Variants in ACRBP observed in about 807,000 individuals in gnomAD.
ACRBP encodes acrosin-binding protein.
ACRBP carries 52 observed loss-of-function variants against 69.0 expected under a neutral mutation model. The ratio of observed to expected loss-of-function variants is 0.75; its 90% CI spans 0.60 to 0.95. ACRBP has a LOEUF of 0.95. Among genes scored for constraint, ACRBP ranks in the 40% least tolerant of loss-of-function variants. ACRBP has a pLI of 0.00. For missense variants in ACRBP, 604 were observed against 673.0 expected (o/e 0.90, Z 1.13); for synonymous variants, 267 against 258.9 (o/e 1.03, Z -0.30).
chr12:6,645,301 G>A lies in ACRBP; in HGVS notation c.394C>T (p.Pro132Ser). The A allele has an allele frequency of 6.2e-7, 1 of 1,613,814 alleles. No individual in the cohort carries two copies. Among genetic ancestry groups the A allele is most frequent in the South Asian group, 1.1e-5 (1 of 90,970 alleles). ...GCTTCTATCTCCTTGAGAGTGTTAGGTGAGAGAATAGAGACTGGCTGGGAA... is the reference window on the plus strand; with the variant it reads ...GCTTCTATCTCCTTGAGAGTGTTAGATGAGAGAATAGAGACTGGCTGGGAA... ...LCSQPVSILS[P>S]NTLKEIEASA... The change falls in exon 4 of 10, where the codon CCT (proline) becomes TCT (serine). Residue 132 changes from proline (P) to serine (S), a missense_variant. Pro to Ser is a moderately conservative substitution (Grantham distance 74, BLOSUM62 -1). This residue lies in a region of ACRBP where 532 missense variants were observed against 562.9 expected (regional missense o/e 0.95). Coordinates refer to ENST00000229243, the MANE Select transcript of ACRBP (RefSeq NM_032489.3).
chr12:6,646,932 C>T lies in ACRBP; in HGVS notation c.124G>A (p.Glu42Lys), dbSNP rs1050523562. The T allele has an allele frequency of 9.9e-6, 16 of 1,613,870 alleles. No homozygotes were observed. The highest frequency in any genetic ancestry group is 1.3e-5 in the Non-Finnish European group (15 of 1,180,018). The change falls in exon 2 of 10, where the codon GAA becomes AAA. Residue 42 changes from glutamate (E) to lysine (K), a missense_variant. Around this residue, in one of 3 missense-constraint regions of ACRBP, gnomAD observed 532 missense variants for 562.9 expected, o/e 0.95. Transcript: ENST00000229243. ...STPGSPLSPT[E>K]YERFFALLTP... Reference sequence around the variant, plus strand: ...AGCAGTGCGAAGAAGCGTTCGTATTCGGTAGGAGAGAGAGGGCTGCCTGGA... The same window carrying T: ...AGCAGTGCGAAGAAGCGTTCGTATTTGGTAGGAGAGAGAGGGCTGCCTGGA...
chr12:6,647,421 A>G lies in ACRBP; in HGVS notation c.-55T>C, dbSNP rs986166165. Reference sequence around the variant, plus strand: ...GACACAAGCCGCCTCTAACGGGCCAAGCCGCAGAGAGAGCCGCAGGCGCGG... The same window carrying G: ...GACACAAGCCGCCTCTAACGGGCCAGGCCGCAGAGAGAGCCGCAGGCGCGG... On this transcript the variant is annotated 5_prime_UTR_variant, in exon 1 of 10. Coordinates refer to ENST00000229243, the MANE Select transcript of ACRBP (RefSeq NM_032489.3). 207 of 1,464,230 alleles carry G rather than the reference A, an allele frequency of 1.4e-4. No homozygotes were observed. Among genetic ancestry groups the G allele is most frequent in the Non-Finnish European group, 1.8e-4 (201 of 1,099,902 alleles). 90.7% of individuals were successfully genotyped at this position (1,464,230 alleles called of 1,614,324 possible). A position where few individuals can be genotyped will look rare whatever the true frequency, so the allele number is the denominator to read the frequency against.
In ACRBP at chr12:6,640,171, G is replaced by A. The variant is rs1210681778; in HGVS notation, c.1314C>T (p.His438=). 1 of 1,614,048 alleles carries A rather than the reference G, an allele frequency of 6.2e-7. No homozygotes were observed. Among genetic ancestry groups the A allele is most frequent in the African/African-American group, 1.3e-5 (1 of 74,904 alleles). Residue 438 remains histidine (H), a synonymous_variant, in exon 8 of 10, where the codon CAC becomes CAT. Transcript: ENST00000229243. The surrounding 1 kb of genome is among the most constrained non-coding windows in gnomAD (Gnocchi z 5.3). ...FYGLDLYGGL[H]MDFWCARLAT... is the part of the protein sequence containing the mutation. ...CAAGCCGGGCACACCAGAAGTCCAT[G>A]TGGAGCCCACCGTACAAATCCAGCC... is the stretch of plus-strand genomic sequence containing the variant.
chr12:6,645,999 A>T (rs1949085420), intron 3 of ACRBP, among the ~76,000 whole-genome samples: 1 of 146,004 alleles, frequency 6.8e-6, no homozygotes, highest in African/African-American at 2.6e-5. Context: ...TTGCTCTGCC[A>T]CTCAGGATAG....
At chr12:6,647,101 G>T (rs1565393540) in intron 1 of ACRBP, 89 bp from the exon 2 acceptor site, 1 of 1,266,422 alleles carries the variant, frequency 7.9e-7, no homozygotes. Flanking sequence ...GGCAAATTAG[G>T]AACGGGGTGA....
chr12:6,646,746 G>T, intron 2 of ACRBP, 48 bp downstream of exon 2: 1 of 1,605,136 alleles, frequency 6.2e-7, no homozygotes, highest in East Asian at 2.2e-5. Context: ...CCTGAGGTTT[G>T]GGTGAACACT....
intron 5 of ACRBP, 66 bp from the exon 6 acceptor site, chr12:6,643,737 C>T (rs1949069410): frequency 3.1e-6 from 5 of 1,587,498 alleles, no homozygotes; most frequent in South Asian, 1.1e-5. Context: ...TACATCCAGT[C>T]TCTTCCCCTT....
intron 3 of ACRBP, among the ~76,000 whole-genome samples, chr12:6,646,125 A>ATTTTTTTTTTTT (rs59626834): frequency 4.9e-5 from 6 of 121,426 alleles, no homozygotes; most frequent in African/African-American, 1.9e-4. Flanking sequence ...AAGCCCGGCT[A>ATTTTTTTTTTTT]TTTTTTTTTT....
intron 6 of ACRBP, among the ~76,000 whole-genome samples, chr12:6,642,713 A>G (rs1184517094): frequency 6.6e-6 from 1 of 152,208 alleles, no homozygotes; most frequent in Non-Finnish European, 1.5e-5. Context: ...CCTCCCAATC[A>G]GTATTTGTTG....
chr12:6,646,772 TC>T (rs746219680), intron 2 of ACRBP, 21 bp downstream of exon 2: 41 of 1,612,606 alleles, frequency 2.5e-5, no homozygotes, highest in African/African-American at 1.1e-4. Flanking sequence ...TGCCTCGGTT[TC>T]CCCCCTAGTC....
chr12:6,645,400 T>G (rs1255947799), intron 3 of ACRBP, 63 bp from the exon 4 acceptor site: 10 of 1,253,826 alleles, frequency 8.0e-6, no homozygotes, highest in Non-Finnish European at 1.0e-5. Context: ...CTCCAGCTGG[T>G]TCTTCAACCC....
intron 1 of ACRBP, 32 bp downstream of exon 1, chr12:6,647,292 A>C: frequency 6.5e-7 from 1 of 1,541,702 alleles, no homozygotes; most frequent in Non-Finnish European, 8.7e-7. Context: ...TAGCCCGGGG[A>C]GAGTCTGTTG....
chr12:6,643,495 G>A (rs377344589), intron 6 of ACRBP, 44 bp downstream of exon 6: 54 of 1,608,608 alleles, frequency 3.4e-5, no homozygotes, highest in Non-Finnish European at 3.8e-5. Context: ...TGGCCAAGAG[G>A]ATGCCCAGTG....
chr12:6,643,103 A>C (rs1051022588), intron 6 of ACRBP, among the ~76,000 whole-genome samples: 19 of 152,068 alleles, frequency 1.2e-4, no homozygotes, highest in African/African-American at 4.6e-4. Context: ...AATAAAAAAA[A>C]ATTTAGCCAG....
At chr12:6,641,184 C>A (rs997223815) in intron 6 of ACRBP, among the ~76,000 whole-genome samples, 1 of 152,222 alleles carries the variant, frequency 6.6e-6, no homozygotes, top group African/African-American at 2.4e-5. Context: ...TGGAAACCTC[C>A]AAGTTCTTGG....
rs548223496 is a variant in ACRBP, at chr12:6,647,400, C to T, written c.-34G>A. The T allele has an allele frequency of 6.7e-7, 1 of 1,498,022 alleles. No homozygotes were observed. Among genetic ancestry groups the T allele is most frequent in the East Asian group, 2.5e-5 (1 of 39,656 alleles). The allele number at this position is 1,498,022 out of a possible 1,614,324, so 92.8% of individuals were successfully genotyped here. ...AAGATCCGCCCGCGTCCCGTGGACA[C>T]AAGCCGCCTCTAACGGGCCAAGCCG... On this transcript the variant is annotated 5_prime_UTR_variant, in exon 1 of 10. The change creates a new upstream start codon in the 5' untranslated region. Coordinates refer to ENST00000229243, the MANE Select transcript of ACRBP (RefSeq NM_032489.3).
Position 6,640,198 on chromosome 12 carries a change from G to A in ACRBP, c.1287C>T (p.Tyr429=), listed in dbSNP as rs143853195. 44 of 1,614,048 alleles carry A rather than the reference G, an allele frequency of 2.7e-5. No homozygotes were observed. Among genetic ancestry groups the A allele is most frequent in the Middle Eastern group, 1.6e-4 (1 of 6,084 alleles). Residue 429 remains tyrosine, a synonymous_variant, in exon 8 of 10, where the codon TAC becomes TAT. Transcript: ENST00000229243. This position sits in a 1 kb window ranked among gnomAD's most constrained non-coding sequence, Gnocchi z 5.3. ...QVGSPESGRF[Y]GLDLYGGLHM... is the part of the protein sequence containing the mutation. ...GGAGCCCACCGTACAAATCCAGCCC[G>A]TAAAAGCGGCCTGATTCTGGGGACC... is the stretch of plus-strand genomic sequence containing the variant.
intron 6 of ACRBP, among the ~76,000 whole-genome samples, chr12:6,641,228 C>T (rs968558262): frequency 6.6e-6 from 1 of 152,202 alleles, no homozygotes; most frequent in Non-Finnish European, 1.5e-5. Context: ...ACCAATCTCC[C>T]AGCTGGGTTC....
At position 6,647,342 on chromosome 12, in the gene ACRBP, G is replaced by T; in HGVS notation, c.25C>A (p.Leu9Ile). The T allele has an allele frequency of 1.3e-6, 2 of 1,546,482 alleles. No individual in the cohort carries two copies. The highest frequency in any genetic ancestry group is 2.4e-5 in the South Asian group (2 of 83,798). Residue 9 changes from leucine to isoleucine, a missense_variant, in exon 1 of 10, where the codon CTT (leucine) becomes ATT (isoleucine). Leu to Ile is a conservative substitution (Grantham distance 5). This residue lies in a region of ACRBP where 532 missense variants were observed against 562.9 expected (regional missense o/e 0.95). Transcript: ENST00000229243. MRKPAAGF[L>I]PSLLKVLLLP... ...CTCTCACCCTTCAGGAGTGAGGGAA[G>T]GAAGCCAGCGGCTGGCTTCCTCATG...
Sources: gnomAD v4.1 joint callset for allele counts (sites outside exome capture counted in the v4.1 genomes callset) on GRCh38, gnomAD v4.1.1 for gene constraint, gnomAD v4.1.1 regional missense constraint, Gnocchi (gnomAD v3.1) non-coding constraint, MANE v1.5 for transcripts, NCBI Gene and HGNC (gene_info 2026-07-23, HGNC 2026-07-21) for gene names.